KCNMA1: variants seen among roughly 807,000 people sequenced by gnomAD.
KCNMA1 encodes the protein potassium calcium-activated channel subfamily M alpha 1, also known as Calcium-activated potassium channel subunit alpha-1.
A neutral mutation model predicts 140.0 loss-of-function variants in KCNMA1; 29 were observed. The ratio of observed to expected loss-of-function variants is 0.21; its 90% CI spans 0.15 to 0.28. The LOEUF (loss-of-function observed/expected upper bound fraction) is 0.28. Among genes scored for constraint, KCNMA1 ranks in the 10% least tolerant of loss-of-function variants. The probability of loss-of-function intolerance (pLI) is 1.00; values close to 1 mark genes in which losing one functional copy is unlikely to be tolerated. For missense variants in KCNMA1, 880 were observed against 1,602.2 expected (o/e 0.55, Z 7.70); for synonymous variants, 612 against 611.9 (o/e 1.00, Z 0.00).
intron 2 of KCNMA1, among the ~76,000 whole-genome samples, chr10:77,384,778 A>G (rs1487523185): frequency 6.6e-6 from 1 of 152,202 alleles, no homozygotes; most frequent in African/African-American, 2.4e-5. Flanking sequence ...CTCACTTTCT[A>G]TGGCAAGCCT....
In KCNMA1 at chr10:77,481,114, T is replaced by C. The variant is rs2098387707; in HGVS notation, c.379-77091A>G. Among the ~76,000 whole-genome samples, 3 of 134,126 alleles carry C rather than the reference T, an allele frequency of 2.2e-5. 1 individual carries two copies. Among genetic ancestry groups the C allele is most frequent in the Admixed American group, 2.2e-4 (3 of 13,536 alleles). The allele number at this position is 134,126 out of a possible 152,430, so 88.0% of individuals were successfully genotyped here. On this transcript the variant is annotated intron_variant, in intron 1 of 27. Transcript: ENST00000286628. Reference sequence around the variant, plus strand: ...GCCTGGGCAACAGAGTGAGACTCCATCTCAAAAAAAAAAAAAAGATACACA... The same window carrying C: ...GCCTGGGCAACAGAGTGAGACTCCACCTCAAAAAAAAAAAAAAGATACACA...
intron 3 of KCNMA1, among the ~76,000 whole-genome samples, chr10:77,185,972 G>A (rs2098846545): frequency 6.6e-6 from 1 of 152,112 alleles, no homozygotes; most frequent in Non-Finnish European, 1.5e-5. Context: ...AAAGGGAAGC[G>A]ACAGACCTCC....
intron 3 of KCNMA1, among the ~76,000 whole-genome samples, chr10:77,228,675 G>A (rs61868368): frequency 0.05 from 7,669 of 152,272 alleles, 230 homozygotes; most frequent in Non-Finnish European, 0.066. Flanking sequence ...CTGCCCAAGT[G>A]TCTTCTTGGC....
intron 3 of KCNMA1, among the ~76,000 whole-genome samples, chr10:77,191,150 G>A (rs1425905457): frequency 2.6e-5 from 4 of 152,062 alleles, no homozygotes; most frequent in African/African-American, 9.7e-5. Flanking sequence ...GCCTACACTG[G>A]AATAAAAGCA....
chr10:77,444,200 A>G (rs971744159), intron 1 of KCNMA1, among the ~76,000 whole-genome samples: 2 of 152,202 alleles, frequency 1.3e-5, no homozygotes, highest in African/African-American at 4.8e-5. Context: ...ATGAGGCTCT[A>G]ATTTAGAAAG....
intron 1 of KCNMA1, chr10:77,636,943 C>T (rs2093810245): frequency 7.0e-7 from 1 of 1,418,698 alleles, no homozygotes; most frequent in Non-Finnish European, 9.1e-7. Context: ...TGTCCCCACC[C>T]CGCACCACGG....
chr10:76,977,494 G>A (rs1279143374), intron 19 of KCNMA1: 1 of 700,728 alleles, frequency 1.4e-6, no homozygotes, highest in East Asian at 2.7e-5. Flanking sequence ...TTGAGGACTT[G>A]CCATAGAGAC....
chr10:77,495,712 G>C (rs546257862), intron 1 of KCNMA1, among the ~76,000 whole-genome samples: 1 of 152,146 alleles, frequency 6.6e-6, no homozygotes, highest in African/African-American at 2.4e-5. Context: ...ACAGCCTGCC[G>C]TGCTGGGCCA....
chr10:77,352,884 T>C (rs2093062141), intron 2 of KCNMA1, among the ~76,000 whole-genome samples: 1 of 152,298 alleles, frequency 6.6e-6, no homozygotes, highest in East Asian at 1.9e-4. Context: ...AGGCAAAATA[T>C]AGATGCCACC....
intron 24 of KCNMA1, chr10:76,911,965 G>T (rs1385166078): frequency 2.6e-5 from 4 of 152,214 alleles, no homozygotes; most frequent in Non-Finnish European, 5.9e-5. Context: ...ATGGGGAAGG[G>T]TTGGTACCAG....
chr10:76,980,039 TTTA>T (rs2078954847), intron 19 of KCNMA1: 1 of 152,190 alleles, frequency 6.6e-6, no homozygotes, highest in African/African-American at 2.4e-5. Flanking sequence ...GCTATCATAA[TTTA>T]TCCTCGGACA....
At chr10:77,003,836 T>A (rs993935205) in intron 18 of KCNMA1, among the ~76,000 whole-genome samples, 5 of 152,186 alleles carry the variant, frequency 3.3e-5, no homozygotes, top group African/African-American at 1.2e-4. Context: ...AAATAACTTT[T>A]GAAACTATTT....
intron 2 of KCNMA1, among the ~76,000 whole-genome samples, chr10:77,331,835 A>C (rs2086553969): frequency 1.3e-5 from 2 of 152,112 alleles, no homozygotes; most frequent in Admixed American, 1.3e-4. Context: ...ATATATATAT[A>C]AAATAGGTAA....
chr10:77,454,876 C>T (rs1659380413), intron 1 of KCNMA1, among the ~76,000 whole-genome samples: 1 of 152,102 alleles, frequency 6.6e-6, no homozygotes, highest in African/African-American at 2.4e-5. Context: ...GGCTGTGGAT[C>T]CAAGGCATCC....
intron 20 of KCNMA1, among the ~76,000 whole-genome samples, chr10:76,958,522 C>T (rs976430307): frequency 3.3e-5 from 5 of 152,070 alleles, no homozygotes; most frequent in Admixed American, 6.6e-5. Context: ...AAGTCTTAAC[C>T]GCCGGTACCT....
At chr10:77,528,311 C>T (rs1320488666) in intron 1 of KCNMA1, among the ~76,000 whole-genome samples, 1 of 152,118 alleles carries the variant, frequency 6.6e-6, no homozygotes, top group Non-Finnish European at 1.5e-5. Context: ...TAGGCATATA[C>T]CCCAAATCAA....
chr10:77,115,202 T>C (rs917723643), intron 6 of KCNMA1, among the ~76,000 whole-genome samples: 3 of 152,328 alleles, frequency 2.0e-5, no homozygotes, highest in African/African-American at 7.2e-5. Context: ...AGATTCAACT[T>C]TGTGGGTGAG....
intron 2 of KCNMA1, among the ~76,000 whole-genome samples, chr10:77,368,763 G>A (rs1393243473): frequency 6.6e-6 from 1 of 152,160 alleles, no homozygotes; most frequent in Non-Finnish European, 1.5e-5. Flanking sequence ...GCCCTTGGAT[G>A]TCCAATTGTT....
At chr10:77,346,631 G>A (rs1284140614) in intron 2 of KCNMA1, among the ~76,000 whole-genome samples, 1 of 152,202 alleles carries the variant, frequency 6.6e-6, no homozygotes, top group Non-Finnish European at 1.5e-5. Flanking sequence ...GTTGGAAAGT[G>A]TCTCTTCTGG....
Sources: allele counts gnomAD v4.1 joint callset (sites outside exome capture counted in the v4.1 genomes callset), GRCh38; gene constraint gnomAD v4.1.1; transcripts MANE v1.5; gene names NCBI Gene and HGNC (gene_info 2026-07-23, HGNC 2026-07-21).